VPS41: variants seen among roughly 807,000 people sequenced by gnomAD.
The protein encoded by VPS41 is vacuolar protein sorting-associated protein 41 homolog.
A neutral mutation model predicts 130.9 loss-of-function variants in VPS41; 85 were observed. That is an observed-to-expected ratio of 0.65 (90% CI 0.55 to 0.78). VPS41 has a LOEUF of 0.78. VPS41 is among the 30% of genes least tolerant of loss of function. The pLI, the probability that VPS41 is intolerant of heterozygous loss-of-function variation, is 0.00. For missense variants in VPS41, 874 were observed against 1,018.7 expected (o/e 0.86, Z 1.93); for synonymous variants, 335 against 332.9 (o/e 1.01, Z -0.07).
At chr7:38,787,024 G>A (rs1784450385) in intron 10 of VPS41, among the ~76,000 whole-genome samples, 1 of 152,134 alleles carries the variant, frequency 6.6e-6, no homozygotes, top group African/African-American at 2.4e-5. Context: ...TAAATTCTAA[G>A]ACCACAGTAT....
At chr7:38,861,248 A>G (rs2190667) in intron 4 of VPS41, among the ~76,000 whole-genome samples, 141,963 of 152,270 alleles carry the variant, frequency 0.93, 66,332 homozygotes, top group East Asian at 1. Flanking sequence ...AAAGACAGAA[A>G]CAGAGTGTCA....
At chr7:38,730,624 A>G (rs1795643474) in intron 25 of VPS41, among the ~76,000 whole-genome samples, 1 of 152,228 alleles carries the variant, frequency 6.6e-6, no homozygotes, top group Non-Finnish European at 1.5e-5. Flanking sequence ...TAAAACATAC[A>G]GGTAGAAGAG....
chr7:38,743,288 A>T, intron 24 of VPS41, 114 bp downstream of exon 24: 1 of 1,166,198 alleles, frequency 8.6e-7, no homozygotes, highest in Non-Finnish European at 1.2e-6. Context: ...TTTTTATTGT[A>T]GGTACGCTAC....
intron 3 of VPS41, among the ~76,000 whole-genome samples, chr7:38,866,782 A>C (rs1320808033): frequency 6.6e-6 from 1 of 152,224 alleles, no homozygotes; most frequent in East Asian, 1.9e-4. Flanking sequence ...GTAAAGGAAA[A>C]GTGGAGGCAA....
intron 22 of VPS41, 192 bp from the exon 23 acceptor site, chr7:38,745,805 C>G: frequency 1.8e-6 from 1 of 552,912 alleles, no homozygotes; most frequent in Non-Finnish European, 3.1e-6. Context: ...CTGGACTCTA[C>G]ACAATTCAAT....
chr7:38,751,539 A>T (rs1584374374), intron 22 of VPS41, among the ~76,000 whole-genome samples: 1 of 152,250 alleles, frequency 6.6e-6, no homozygotes, highest in African/African-American at 2.4e-5. Context: ...TTATTCATTC[A>T]TTCTCTCACT....
intron 10 of VPS41, among the ~76,000 whole-genome samples, chr7:38,787,125 A>G (rs1784452912): frequency 6.6e-6 from 1 of 152,172 alleles, no homozygotes; most frequent in East Asian, 1.9e-4. Flanking sequence ...TTCTATATAG[A>G]TTCTCATATA....
At chr7:38,905,292 T>C (rs960803310) in intron 1 of VPS41, among the ~76,000 whole-genome samples, 8 of 152,208 alleles carry the variant, frequency 5.3e-5, no homozygotes, top group Admixed American at 3.3e-4. Context: ...AAGAAAGATA[T>C]GGACAAATAC....
intron 4 of VPS41, among the ~76,000 whole-genome samples, chr7:38,842,509 G>A (rs560601177): frequency 6.6e-6 from 1 of 152,250 alleles, no homozygotes; most frequent in African/African-American, 2.4e-5. Context: ...ATTAAGAGCT[G>A]CCCTTTCATC....
At chr7:38,830,062 G>A (rs1562601902) in intron 5 of VPS41, among the ~76,000 whole-genome samples, 192 bp downstream of exon 5, 2 of 152,202 alleles carry the variant, frequency 1.3e-5, no homozygotes, top group Non-Finnish European at 2.9e-5. Context: ...TGACATTCTT[G>A]TAATTACTTT....
intron 7 of VPS41, among the ~76,000 whole-genome samples, chr7:38,800,513 T>G (rs1229570580): frequency 6.6e-6 from 1 of 152,180 alleles, no homozygotes; most frequent in Non-Finnish European, 1.5e-5. Flanking sequence ...GGGGAATAGT[T>G]AAAATGAAAC....
intron 4 of VPS41, among the ~76,000 whole-genome samples, chr7:38,842,510 C>A (rs532774866): frequency 6.6e-6 from 1 of 152,244 alleles, no homozygotes; most frequent in South Asian, 2.1e-4. Flanking sequence ...TTAAGAGCTG[C>A]CCTTTCATCC....
rs189587197 is a variant in VPS41 at position 38,758,325 on chromosome 7, T to C, written c.1550+29A>G. Reference sequence around the variant, plus strand: ...AAAAACTTTTCAACACAGACTGATATGGAAAAAGAAACACTTAAGTATACT... The same window carrying C: ...AAAAACTTTTCAACACAGACTGATACGGAAAAAGAAACACTTAAGTATACT... On this transcript the variant is annotated intron_variant, in intron 18 of 28. Transcript: ENST00000310301. 5.9e-5 allele frequency: 93 copies of C among 1,582,076 alleles called. No individual in the cohort carries two copies. The Admixed American group carries it at 7.0e-4, about 12-fold the overall frequency.
intron 7 of VPS41, 60 bp downstream of exon 7, chr7:38,817,757 A>G (rs1278695294): frequency 1.2e-5 from 16 of 1,328,004 alleles, no homozygotes; most frequent in Admixed American, 1.7e-5. Context: ...GATAAATTAC[A>G]GAGTAAGCAC....
chr7:38,841,208 C>CA (rs1785601067), intron 4 of VPS41, among the ~76,000 whole-genome samples: 2 of 152,194 alleles, frequency 1.3e-5, no homozygotes, highest in Admixed American at 6.5e-5. Flanking sequence ...ATTCAACCAA[C>CA]AAAGAAGCCT....
At chr7:38,768,011 G>A (rs1167571201) in intron 14 of VPS41, among the ~76,000 whole-genome samples, 4 of 152,080 alleles carry the variant, frequency 2.6e-5, no homozygotes, top group Non-Finnish European at 5.9e-5. Context: ...CCCCAAGTCT[G>A]AAGAGAAGTT....
At chr7:38,779,790 A>C (rs570336527) in intron 10 of VPS41, among the ~76,000 whole-genome samples, 3 of 152,352 alleles carry the variant, frequency 2.0e-5, no homozygotes, top group African/African-American at 7.2e-5. Context: ...TTAGAGAAAG[A>C]AATGTTGAAT....
chr7:38,908,674 T>C (rs1349777705), intron 1 of VPS41, among the ~76,000 whole-genome samples: 2 of 152,206 alleles, frequency 1.3e-5, no homozygotes, highest in African/African-American at 4.8e-5. Context: ...CCAGAACGGA[T>C]GCATTTAATC....
At chr7:38,767,476 A>T (rs1386659808) in intron 15 of VPS41, 61 bp downstream of exon 15, 4 of 1,156,504 alleles carry the variant, frequency 3.5e-6, no homozygotes, top group Non-Finnish European at 4.9e-6. Flanking sequence ...GCTTATTTTT[A>T]CTGTTAGCAA....
Sources: allele counts gnomAD v4.1 joint callset (sites outside exome capture counted in the v4.1 genomes callset), GRCh38; gene constraint gnomAD v4.1.1; transcripts MANE v1.5; gene names NCBI Gene and HGNC (gene_info 2026-07-23, HGNC 2026-07-21).